The following UBA6 variants were observed in gnomAD, a reference collection of about 807,000 sequenced individuals.
UBA6 encodes ubiquitin-like modifier-activating enzyme 6.
UBA6 carries 87 observed loss-of-function variants against 148.3 expected under a neutral mutation model. The ratio of observed to expected loss-of-function variants is 0.59; its 90% CI spans 0.49 to 0.70. The LOEUF (loss-of-function observed/expected upper bound fraction) is 0.70, where lower values mean the gene tolerates loss of function less well. Ranked by LOEUF, UBA6 falls within the 30% of genes least tolerant of loss-of-function variation. The pLI, the probability that UBA6 is intolerant of heterozygous loss-of-function variation, is 0.00. For synonymous variants in UBA6, 376 were observed against 401.0 expected (o/e 0.94, Z 0.75); for missense variants, 1,186 against 1,241.2 (o/e 0.96, Z 0.67).
intron 23 of UBA6, among the ~76,000 whole-genome samples, chr4:67,632,792 G>A (rs1485103409): frequency 6.6e-6 from 1 of 152,086 alleles, no homozygotes; most frequent in African/African-American, 2.4e-5. Flanking sequence ...AGGAGTTCCA[G>A]GCCAGACTGG....
At chr4:67,637,177 G>C (rs1211937795) in intron 19 of UBA6, among the ~76,000 whole-genome samples, 3 of 150,418 alleles carry the variant, frequency 2.0e-5, no homozygotes, top group African/African-American at 7.3e-5. Flanking sequence ...TCCGGGAGGT[G>C]GGGGGGCAGC....
intron 2 of UBA6, among the ~76,000 whole-genome samples, chr4:67,688,653 G>T (rs1355424281): frequency 1.3e-5 from 2 of 152,022 alleles, no homozygotes; most frequent in African/African-American, 4.8e-5. Context: ...AGATTCAGTA[G>T]TAATAAGAAA....
At chr4:67,648,485 A>T (rs1213117385) in intron 14 of UBA6, among the ~76,000 whole-genome samples, 13 of 147,650 alleles carry the variant, frequency 8.8e-5, no homozygotes, top group Middle Eastern at 3.4e-3. Flanking sequence ...AAAAAAAATT[A>T]AAAAAAAAAG....
intron 13 of UBA6, among the ~76,000 whole-genome samples, chr4:67,657,909 G>A (rs1729742465): frequency 6.7e-6 from 1 of 149,820 alleles, no homozygotes; most frequent in African/African-American, 2.5e-5. Context: ...CTTCTCAAAA[G>A]AAGACATTTA....
At chr4:67,620,743 C>A (rs1385272147) in intron 32 of UBA6, among the ~76,000 whole-genome samples, 1 of 152,182 alleles carries the variant, frequency 6.6e-6, no homozygotes, top group Non-Finnish European at 1.5e-5. Flanking sequence ...ATACTTCTTA[C>A]ATGCCATTAC....
intron 26 of UBA6, 36 bp downstream of exon 26, chr4:67,630,430 T>A: frequency 6.8e-7 from 1 of 1,476,984 alleles, no homozygotes; most frequent in Non-Finnish European, 9.2e-7. Flanking sequence ...CTAATTTGGT[T>A]TTGCATCACT....
chr4:67,665,431 GTTTTTT>G (rs71269059), intron 9 of UBA6, 139 bp from the exon 10 acceptor site: 2 of 344,546 alleles, frequency 5.8e-6, no homozygotes, highest in Non-Finnish European at 5.0e-6. Flanking sequence ...TTGTTTGTTT[GTTTTTT>G]TTTTTTTTTA....
chr4:67,696,252 G>T (rs9762096), intron 2 of UBA6, among the ~76,000 whole-genome samples: 34,895 of 151,856 alleles, frequency 0.23, 4,162 homozygotes, highest in Middle Eastern at 0.3. Flanking sequence ...AAATGAAAGG[G>T]TTATTTTGCA....
rs1013259763 is a variant in UBA6 at position 67,616,476 on chromosome 4, C to A, written c.*2521G>T. ...TTATTTCCATGTCCTACCTTTGGGA[C>A]AATTTATGAGGAACTTATGGACAAG... On this transcript the variant is annotated 3_prime_UTR_variant, in exon 33 of 33. Transcript: ENST00000322244. 2 of 204,030 alleles carry A rather than the reference C, an allele frequency of 9.8e-6. No individual in the cohort carries two copies. The highest frequency in any genetic ancestry group is 2.0e-5 in the Non-Finnish European group (2 of 102,446). 12.6% of individuals were successfully genotyped at this position (204,030 alleles called of 1,614,324 possible). A position where few individuals can be genotyped will look rare whatever the true frequency, so the allele number is the denominator to read the frequency against.
chr4:67,692,831 G>C lies in UBA6; in HGVS notation c.134+3814C>G, dbSNP rs183137750. Among the ~76,000 whole-genome samples, 541 of 152,284 alleles carry C rather than the reference G, an allele frequency of 3.6e-3. 7 individuals are homozygous for C. Among genetic ancestry groups the C allele is most frequent in the Admixed American group, 0.029 (449 of 15,296 alleles). ...TGCTATGGAAGAGAACCCCAAGAAAGAGAACATCATTAAAGTCTGGAAGAT... is the reference window on the plus strand; with the variant it reads ...TGCTATGGAAGAGAACCCCAAGAAACAGAACATCATTAAAGTCTGGAAGAT... On this transcript the variant is annotated intron_variant, in intron 2 of 32. Coordinates refer to ENST00000322244, the MANE Select transcript of UBA6 (RefSeq NM_018227.6).
rs141539075 is a variant in UBA6 at position 67,625,065 on chromosome 4, A to T, written c.2641T>A (p.Phe881Ile). Residue 881 changes from phenylalanine to isoleucine, a missense_variant, in exon 29 of 33, where the codon TTC becomes ATC. By Grantham distance (21) the Phe-to-Ile change is conservative. Transcript: ENST00000322244. ...TTACCAGCTATGCGCTTTGTTTTGA[A>T]ACGGTCAGCTGGTTCAATGCTGTAC... ...KMYSIEPADRFKTKRIAGKII... is the reference protein window; with the variant it reads ...KMYSIEPADRIKTKRIAGKII... 305 of 1,613,206 alleles carry T rather than the reference A, an allele frequency of 1.9e-4. No individual in the cohort carries two copies. The highest frequency in any genetic ancestry group is 2.1e-4 in the Non-Finnish European group (247 of 1,179,436).
At chr4:67,700,970 C>G in intron 1 of UBA6, 79 bp downstream of exon 1, 2 of 1,576,704 alleles carry the variant, frequency 1.3e-6, no homozygotes, top group Non-Finnish European at 1.7e-6. Context: ...GCCCCCAGCC[C>G]GCCGGAAAGA....
chr4:67,699,927 T>C (rs1236657932), intron 1 of UBA6, among the ~76,000 whole-genome samples: 1 of 152,148 alleles, frequency 6.6e-6, no homozygotes, highest in African/African-American at 2.4e-5. Context: ...TTATCTACTT[T>C]CCTATCATTT....
intron 32 of UBA6, among the ~76,000 whole-genome samples, chr4:67,620,791 G>A (rs1191257363): frequency 6.6e-6 from 1 of 152,078 alleles, no homozygotes; most frequent in Non-Finnish European, 1.5e-5. Flanking sequence ...GCTCAACTAT[G>A]GGCACAGTCA....
Position 67,649,074 on chromosome 4 carries a change from G to A in UBA6, c.1242C>T (p.Cys414=). 1 of 1,613,174 alleles carries A rather than the reference G, an allele frequency of 6.2e-7. No homozygotes were observed. The highest frequency in any genetic ancestry group is 1.1e-5 in the South Asian group (1 of 90,834). ...KAVTGKFSPL[C]QWLYLEAADI... ...TTAAAAACTCAGAACTAACCCACTGGCACAAAGGAGAAAATTTTCCTGTTA... is the reference window on the plus strand; with the variant it reads ...TTAAAAACTCAGAACTAACCCACTGACACAAAGGAGAAAATTTTCCTGTTA... Residue 414 remains cysteine (C), a synonymous_variant, in exon 14 of 33, where the codon TGC becomes TGT. Coordinates refer to ENST00000322244, the MANE Select transcript of UBA6 (RefSeq NM_018227.6).
At chr4:67,664,672 A>C (rs1729947205) in intron 10 of UBA6, among the ~76,000 whole-genome samples, 1 of 152,138 alleles carries the variant, frequency 6.6e-6, no homozygotes, top group Non-Finnish European at 1.5e-5. Context: ...TTTCAATGCC[A>C]GTCGTTTTTA....
At position 67,623,181 on chromosome 4, in the gene UBA6, T is replaced by C. The variant is rs748438639; in HGVS notation, c.2882A>G (p.His961Arg). The change falls in exon 31 of 33, where the codon CAT (histidine) becomes CGT (arginine). Residue 961 changes from histidine (H) to arginine (R), a missense_variant. Coordinates refer to ENST00000322244, the MANE Select transcript of UBA6 (RefSeq NM_018227.6). ...CAAGAGGGTGAAATCTTCTTTTCCA[T>C]GTACGGTCCATCGATCCCAAATTGT... ...SFTIWDRWTVHGKEDFTLLDF... is the reference protein window; with the variant it reads ...SFTIWDRWTVRGKEDFTLLDF... 6.2e-6 allele frequency: 10 copies of C among 1,613,002 alleles called. No individual in the cohort carries two copies. Among genetic ancestry groups the C allele is most frequent in the African/African-American group, 4.0e-5 (3 of 74,890 alleles).
intron 2 of UBA6, among the ~76,000 whole-genome samples, chr4:67,688,651 T>C (rs1055261063): frequency 2.0e-5 from 3 of 152,098 alleles, no homozygotes; most frequent in African/African-American, 7.2e-5. Context: ...TAAGATTCAG[T>C]AGTAATAAGA....
At chr4:67,643,057 T>C (rs1251756993) in intron 17 of UBA6, among the ~76,000 whole-genome samples, 1 of 151,958 alleles carries the variant, frequency 6.6e-6, no homozygotes, top group Non-Finnish European at 1.5e-5. Context: ...TTCCCGTTTC[T>C]AGCTCTCTTT....
Sources: allele counts gnomAD v4.1 joint callset (sites outside exome capture counted in the v4.1 genomes callset), GRCh38; gene constraint gnomAD v4.1.1; transcripts MANE v1.5; gene names NCBI Gene and HGNC (gene_info 2026-07-23, HGNC 2026-07-21).